The following PDZD8 variants were observed in gnomAD, a reference collection of about 807,000 sequenced individuals.
The protein encoded by PDZD8 is PDZ domain-containing protein 8.
PDZD8 carries 14 observed loss-of-function variants against 85.8 expected under a neutral mutation model. The observed-to-expected ratio is 0.16, with a 90% CI of 0.11 to 0.26. PDZD8 has a LOEUF of 0.26. Among genes scored for constraint, PDZD8 ranks in the 10% least tolerant of loss-of-function variants. PDZD8 has a pLI of 1.00. For synonymous variants in PDZD8, 592 were observed against 568.6 expected (o/e 1.04, Z -0.59); for missense variants, 1,197 against 1,424.3 (o/e 0.84, Z 2.57).
At chr10:117,361,218 G>C (rs987933623) in intron 1 of PDZD8, among the ~76,000 whole-genome samples, 1 of 147,710 alleles carries the variant, frequency 6.8e-6, no homozygotes, top group African/African-American at 2.6e-5. Flanking sequence ...GAAAACCACT[G>C]AGTCAGACTG....
chr10:117,375,109 C>G lies in PDZD8; in HGVS notation c.119G>C (p.Arg40Pro), dbSNP rs1027031223. 3 of 1,594,148 alleles carry G rather than the reference C, an allele frequency of 1.9e-6. No homozygotes were observed. In the African/African-American group the frequency reaches 4.0e-5, roughly 21 times the overall value. The stretch of plus-strand genomic sequence containing the variant: ...GATGTAGCGGAAGCCCTCGCCCGCG[C>G]GGGCGGCCTCGTCCGCCGGCGGCTC... The part of the protein sequence containing the change: ...QPEPPADEAA[R>P]AGEGFRYIKP... The change falls in exon 1 of 5, where the codon CGC becomes CCC. Residue 40 changes from arginine (R) to proline (P), a missense_variant. Arg to Pro is a moderately radical substitution (Grantham distance 103). Transcript: ENST00000334464.
At chr10:117,341,261 G>A (rs1844607467) in intron 1 of PDZD8, among the ~76,000 whole-genome samples, 159 bp from the exon 2 acceptor site, 1 of 152,182 alleles carries the variant, frequency 6.6e-6, no homozygotes, top group African/African-American at 2.4e-5. Flanking sequence ...ATAACTGGCA[G>A]CAAATGGTGC....
intron 4 of PDZD8, among the ~76,000 whole-genome samples, chr10:117,289,623 G>A (rs1844722286): frequency 6.6e-6 from 1 of 152,208 alleles, no homozygotes; most frequent in Non-Finnish European, 1.5e-5. Flanking sequence ...AGGCATGTAA[G>A]TGACACATTT....
chr10:117,368,923 T>C (rs1845139005), intron 1 of PDZD8, among the ~76,000 whole-genome samples: 1 of 147,480 alleles, frequency 6.8e-6, no homozygotes, highest in African/African-American at 2.5e-5. Context: ...TGGCGCAATC[T>C]TGGCTCACTG....
At chr10:117,328,468 G>C (rs1427876946) in intron 2 of PDZD8, among the ~76,000 whole-genome samples, 3 of 151,938 alleles carry the variant, frequency 2.0e-5, no homozygotes, top group Non-Finnish European at 4.4e-5. Context: ...CTAGAGTGAA[G>C]CACTGTGATC....
intron 2 of PDZD8, among the ~76,000 whole-genome samples, chr10:117,319,407 ACACACACACACACACACACACACACACT>A (rs977548977): frequency 3.4e-4 from 24 of 70,802 alleles, no homozygotes; most frequent in Admixed American, 2.0e-3. Flanking sequence ...ACACACACAC[ACACACACACACACACACACACACACACT>A]CTTCATCTAC....
chr10:117,310,007 C>A (rs1007859946), intron 3 of PDZD8, among the ~76,000 whole-genome samples: 1 of 152,162 alleles, frequency 6.6e-6, no homozygotes, highest in African/African-American at 2.4e-5. Context: ...GAGTAACAGG[C>A]AAACTTCTTA....
chr10:117,318,893 T>A lies in PDZD8; in HGVS notation c.1077A>T (p.Lys359Asn). The change falls in exon 3 of 5, where the codon AAA becomes AAT. Residue 359 changes from lysine (K) to asparagine (N), a missense_variant. Coordinates refer to ENST00000334464, the MANE Select transcript of PDZD8 (RefSeq NM_173791.5). ...TTACCGTCTTAATAGAACTCCTCTG[T>A]TTTTCTTCCCAAACACTACTGCTTA... is the stretch of plus-strand genomic sequence containing the variant. ...LELSSSVWEE[K>N]QRSSIKTVEL... is the part of the protein sequence containing the mutation. 1 of 1,608,314 alleles carries A rather than the reference T, an allele frequency of 6.2e-7. No individual in the cohort carries two copies. The highest frequency in any genetic ancestry group is 8.5e-7 in the Non-Finnish European group (1 of 1,175,348).
chr10:117,334,896 C>T (rs1336635545), intron 2 of PDZD8, among the ~76,000 whole-genome samples: 2 of 151,534 alleles, frequency 1.3e-5, no homozygotes, highest in African/African-American at 4.9e-5. Context: ...CCTCAGGGGA[C>T]CTATGGGAAA....
chr10:117,355,801 A>C (rs1386518959), intron 1 of PDZD8, among the ~76,000 whole-genome samples: 5 of 152,208 alleles, frequency 3.3e-5, no homozygotes, highest in Non-Finnish European at 7.3e-5. Flanking sequence ...CCTCCACTGA[A>C]ATAAAGAAGC....
intron 2 of PDZD8, among the ~76,000 whole-genome samples, chr10:117,326,506 T>C (rs1393108072): frequency 2.0e-5 from 3 of 152,230 alleles, no homozygotes; most frequent in Admixed American, 1.3e-4. Context: ...CTCTTTTGCT[T>C]GGCGCAGGAT....
intron 2 of PDZD8, among the ~76,000 whole-genome samples, chr10:117,328,040 G>C (rs1332304880): frequency 6.6e-6 from 1 of 152,064 alleles, no homozygotes; most frequent in African/African-American, 2.4e-5. Flanking sequence ...TGTCCAATCT[G>C]CCAATTTAAG....
rs1589562627 is a variant in PDZD8, at chr10:117,318,635, T to G, written c.1098+237A>C. On this transcript the variant is annotated intron_variant, in intron 3 of 4. Coordinates refer to ENST00000334464, the MANE Select transcript of PDZD8 (RefSeq NM_173791.5). Reference sequence around the variant, plus strand: ...TTCATAACTGAAGCAATCTTAAAGTTCTGAAAGGAAAGCTAGTCGGACTAG... The same window carrying G: ...TTCATAACTGAAGCAATCTTAAAGTGCTGAAAGGAAAGCTAGTCGGACTAG... Among the ~76,000 whole-genome samples, 5 of 152,300 alleles carry G rather than the reference T, an allele frequency of 3.3e-5. No homozygotes were observed. In the Middle Eastern group the frequency reaches 0.014, roughly 414 times the overall value.
intron 2 of PDZD8, among the ~76,000 whole-genome samples, chr10:117,323,686 C>G (rs1009760956): frequency 1.3e-5 from 2 of 152,128 alleles, no homozygotes; most frequent in African/African-American, 2.4e-5. Flanking sequence ...ACAGTATTCT[C>G]CTGAGAATGG....
chr10:117,333,129 A>AAAAAC (rs1844456105), intron 2 of PDZD8, among the ~76,000 whole-genome samples: 1 of 148,772 alleles, frequency 6.7e-6, no homozygotes, highest in African/African-American at 2.5e-5. Flanking sequence ...AAAAAAAAAA[A>AAAAAC]AAAAAAAAAA....
chr10:117,304,548 CA>C (rs1292563627), intron 3 of PDZD8, among the ~76,000 whole-genome samples: 45 of 152,004 alleles, frequency 3.0e-4, no homozygotes, highest in African/African-American at 9.7e-4. Context: ...TTGGAGGGGC[CA>C]GGGGGGAATG....
intron 4 of PDZD8, 100 bp downstream of exon 4, chr10:117,290,086 C>A: frequency 1.0e-6 from 1 of 994,520 alleles, no homozygotes. Context: ...GTGACATATG[C>A]ATATTATAGA....
In PDZD8 at chr10:117,312,600, C is replaced by T. The variant is rs557289113; in HGVS notation, c.1098+6272G>A. 9.9e-5 allele frequency among the ~76,000 whole-genome samples: 15 copies of T among 152,226 alleles called. No homozygotes were observed. In the South Asian group the frequency reaches 1.2e-3, roughly 13 times the overall value. ...GAAGACCTTTTAAGTATTCTTTTAG[C>T]GTGAATCATCTGATTATCATCAGGA... On this transcript the variant is annotated intron_variant, in intron 3 of 4. Transcript: ENST00000334464.
intron 3 of PDZD8, among the ~76,000 whole-genome samples, chr10:117,307,646 C>A (rs551105870): frequency 1.3e-5 from 2 of 152,134 alleles, no homozygotes; most frequent in South Asian, 4.1e-4. Context: ...ATATAACCAC[C>A]TATTTCTCTA....
Sources: gnomAD v4.1 joint callset for allele counts (sites outside exome capture counted in the v4.1 genomes callset) on GRCh38, gnomAD v4.1.1 for gene constraint, MANE v1.5 for transcripts, NCBI Gene and HGNC (gene_info 2026-07-23, HGNC 2026-07-21) for gene names.